The following PTPRG variants were observed in gnomAD, a reference collection of about 807,000 sequenced individuals.
The protein encoded by PTPRG is protein tyrosine phosphatase receptor type G, also known as receptor-type tyrosine-protein phosphatase gamma.
A neutral mutation model predicts 165.3 loss-of-function variants in PTPRG; 102 were observed. That is an observed-to-expected ratio of 0.62 (90% CI 0.53 to 0.73). The LOEUF (loss-of-function observed/expected upper bound fraction) is 0.73. Ranked by LOEUF, PTPRG falls within the 30% of genes least tolerant of loss-of-function variation. The pLI, the probability that PTPRG is intolerant of heterozygous loss-of-function variation, is 0.00. For synonymous variants in PTPRG, 675 were observed against 669.5 expected (o/e 1.01, Z -0.13); for missense variants, 1,866 against 1,861.4 (o/e 1.00, Z -0.05).
chr3:62,100,430 T>A (rs1702250211), intron 5 of PTPRG, among the ~76,000 whole-genome samples: 1 of 152,114 alleles, frequency 6.6e-6, no homozygotes, highest in African/African-American at 2.4e-5. Context: ...TGTGGCCGAA[T>A]GAAAACCCAC....
chr3:62,043,222 ATATT>A (rs1231524177), intron 4 of PTPRG, among the ~76,000 whole-genome samples: 1 of 152,198 alleles, frequency 6.6e-6, no homozygotes, highest in Non-Finnish European at 1.5e-5. Flanking sequence ...CTAGGTTTCT[ATATT>A]TATCTTGTAG....
chr3:62,226,559 T>G (rs1436494396), intron 13 of PTPRG, among the ~76,000 whole-genome samples: 1 of 152,210 alleles, frequency 6.6e-6, no homozygotes, highest in Non-Finnish European at 1.5e-5. Context: ...TATTAAATGT[T>G]TAATATCTTA....
intron 8 of PTPRG, among the ~76,000 whole-genome samples, chr3:62,187,758 G>C (rs896722812): frequency 1.3e-5 from 2 of 152,100 alleles, no homozygotes; most frequent in East Asian, 1.9e-4. Flanking sequence ...CCCAGGATGG[G>C]GGGTAGAGAA....
intron 1 of PTPRG, among the ~76,000 whole-genome samples, chr3:61,745,085 T>C (rs1295744672): frequency 2.8e-5 from 4 of 144,076 alleles, no homozygotes; most frequent in Non-Finnish European, 6.1e-5. Context: ...GGAGTCTTGC[T>C]CTGTTGCCAG....
At chr3:61,636,793 G>A (rs1347432606) in intron 1 of PTPRG, among the ~76,000 whole-genome samples, 1 of 151,806 alleles carries the variant, frequency 6.6e-6, no homozygotes, top group African/African-American at 2.4e-5. Flanking sequence ...TTTTTTGTAT[G>A]AAACACTGCT....
chr3:61,769,798 T>A (rs1284808157), intron 2 of PTPRG: 2 of 152,192 alleles, frequency 1.3e-5, no homozygotes, highest in Admixed American at 1.3e-4. Context: ...GTGATGTGAT[T>A]CTTGAACTGT....
chr3:61,663,459 T>C lies in PTPRG; in HGVS notation c.86-85419T>C, dbSNP rs778161853. On this transcript the variant is annotated intron_variant, in intron 1 of 29. Transcript: ENST00000474889. The stretch of plus-strand genomic sequence containing the variant: ...AAATAACCCCTAACTTGCAATGTTA[T>C]TGTAAGGCTTGGAGATAGTGTATTC... Among the ~76,000 whole-genome samples, 103 of 152,274 alleles carry C rather than the reference T, an allele frequency of 6.8e-4. 1 individual carries two copies. The highest frequency in any genetic ancestry group is 1.3e-3 in the Non-Finnish European group (87 of 68,028).
In PTPRG at chr3:61,719,428, G is replaced by C. The variant is rs767878603; in HGVS notation, c.86-29450G>C. 9.9e-5 allele frequency among the ~76,000 whole-genome samples: 15 copies of C among 152,234 alleles called. 1 individual carries two copies. The highest frequency in any genetic ancestry group is 1.5e-4 in the Non-Finnish European group (10 of 68,018). Reference sequence around the variant, plus strand: ...AAGTGTGTGGGGAGTGCATACTCAGGGGATGTGCCCCTCCTCTCTGTCCTT... The same window carrying C: ...AAGTGTGTGGGGAGTGCATACTCAGCGGATGTGCCCCTCCTCTCTGTCCTT... On this transcript the variant is annotated intron_variant, in intron 1 of 29. Transcript: ENST00000474889.
chr3:61,949,184 A>G (rs1048713303), intron 2 of PTPRG, among the ~76,000 whole-genome samples: 1 of 152,178 alleles, frequency 6.6e-6, no homozygotes, highest in Non-Finnish European at 1.5e-5. Flanking sequence ...AACTCAAAAA[A>G]ACCAAATCAA....
At chr3:61,895,667 T>A (rs1418380134) in intron 2 of PTPRG, among the ~76,000 whole-genome samples, 2 of 152,224 alleles carry the variant, frequency 1.3e-5, no homozygotes, top group Admixed American at 1.3e-4. Flanking sequence ...TTGTTGGGCT[T>A]CTTGGTAGCA....
intron 2 of PTPRG, among the ~76,000 whole-genome samples, chr3:61,987,744 A>G (rs531326481): frequency 1.4e-5 from 2 of 147,296 alleles, no homozygotes; most frequent in East Asian, 1.9e-4. Context: ...TAAATCAACA[A>G]TCACTTTATT....
rs542381092 is a variant in PTPRG, at chr3:62,254,151, C to A, written c.2468-973C>A. On this transcript the variant is annotated intron_variant, in intron 15 of 29. Transcript: ENST00000474889. The surrounding 1 kb of genome is among the most constrained non-coding windows in gnomAD (Gnocchi z 4.6). ...TAGGACCTCATTTACACATACAGATCTTCATACCCTTTGCTAAGAAAAGCA... is the reference window on the plus strand; with the variant it reads ...TAGGACCTCATTTACACATACAGATATTCATACCCTTTGCTAAGAAAAGCA... 2.3e-4 allele frequency among the ~76,000 whole-genome samples: 35 copies of A among 152,174 alleles called. No individual in the cohort carries two copies. Among genetic ancestry groups the A allele is most frequent in the Admixed American group, 1.8e-3 (27 of 15,262 alleles).
chr3:61,823,069 C>T (rs919668751), intron 2 of PTPRG, among the ~76,000 whole-genome samples: 8 of 152,104 alleles, frequency 5.3e-5, no homozygotes, highest in Non-Finnish European at 1.2e-4. Context: ...ACTTAATTAC[C>T]CTGGGCTGAA....
chr3:62,124,692 C>T (rs13065389), intron 5 of PTPRG: 68,812 of 631,248 alleles, frequency 0.11, 3,946 homozygotes, highest in South Asian at 0.14. Flanking sequence ...GAGCTAGCTG[C>T]GCTTGGCACC....
intron 5 of PTPRG, among the ~76,000 whole-genome samples, chr3:62,090,437 AAG>A (rs1701890301): frequency 6.6e-6 from 1 of 152,174 alleles, no homozygotes; most frequent in South Asian, 2.1e-4. Context: ...CTTTTAGGAA[AAG>A]AGATGAATGT....
intron 1 of PTPRG, among the ~76,000 whole-genome samples, chr3:61,724,233 T>TAAAAAAA (rs2032167063): frequency 1.1e-5 from 1 of 94,280 alleles, no homozygotes; most frequent in Non-Finnish European, 2.1e-5. Context: ...AAAAAAAAAG[T>TAAAAAAA]AGTTATATAC....
intron 8 of PTPRG, 31 bp downstream of exon 8, chr3:62,168,194 G>A (rs1251960826): frequency 1.0e-5 from 16 of 1,549,898 alleles, no homozygotes; most frequent in East Asian, 6.8e-5. Context: ...TTGCCCAGAG[G>A]AAGATTCCTT....
intron 2 of PTPRG, among the ~76,000 whole-genome samples, chr3:61,956,914 G>A (rs1170384072): frequency 6.6e-6 from 1 of 152,088 alleles, no homozygotes; most frequent in Admixed American, 6.6e-5. Context: ...ATTGCTTTGA[G>A]TCATCCCTGT....
At chr3:61,995,514 G>A (rs2041011212) in intron 3 of PTPRG, among the ~76,000 whole-genome samples, 1 of 152,046 alleles carries the variant, frequency 6.6e-6, no homozygotes, top group Non-Finnish European at 1.5e-5. Flanking sequence ...AGTGTAACAC[G>A]GATGCCTTTA....
Sources: allele counts gnomAD v4.1 joint callset (sites outside exome capture counted in the v4.1 genomes callset), GRCh38; gene constraint gnomAD v4.1.1; non-coding constraint Gnocchi (gnomAD v3.1); transcripts MANE v1.5; gene names NCBI Gene and HGNC (gene_info 2026-07-23, HGNC 2026-07-21).